Variants in GGA1 observed in about 807,000 individuals in gnomAD.
The protein encoded by GGA1 is ADP-ribosylation factor-binding protein GGA1.
In GGA1, 18 loss-of-function variants were observed where a neutral mutation model predicts 76.9. That is an observed-to-expected ratio of 0.23 (90% CI 0.16 to 0.35). The LOEUF (loss-of-function observed/expected upper bound fraction) is 0.35, where lower values mean the gene tolerates loss of function less well. GGA1 is among the 10% of genes least tolerant of loss of function. The pLI is 1.00. For synonymous variants in GGA1, 342 were observed against 354.7 expected (o/e 0.96, Z 0.40); for missense variants, 755 against 859.0 (o/e 0.88, Z 1.51).
At chr22:37,610,308 C>T (rs936697476) in intron 1 of GGA1, 4 of 152,022 alleles carry the variant, frequency 2.6e-5, no homozygotes, top group Admixed American at 2.0e-4. Flanking sequence ...TAAGATCTTT[C>T]CTCTTCCCTT....
In GGA1 at chr22:37,633,260, G is replaced by A. The variant is rs547218473; in HGVS notation, c.*549G>A. The A allele has an allele frequency of 3.5e-3, 531 of 153,116 alleles. 2 individuals carry two copies. Among genetic ancestry groups the A allele is most frequent in the Non-Finnish European group, 5.4e-3 (373 of 68,540 alleles). The allele number at this position is 153,116 out of a possible 1,614,324, so 9.5% of individuals were successfully genotyped here. A position where few individuals can be genotyped will look rare whatever the true frequency, so the allele number is the denominator to read the frequency against. On this transcript the variant is annotated 3_prime_UTR_variant, in exon 17 of 17. Transcript: ENST00000343632. ...GCTTTTCTTCCGGATTGGCCCTGTGGTCACAGCCTCAGGGGGCCAGGCTGG... is the reference window on the plus strand; with the variant it reads ...GCTTTTCTTCCGGATTGGCCCTGTGATCACAGCCTCAGGGGGCCAGGCTGG...
rs370012020 is a variant in GGA1, at chr22:37,620,250, C to A, written c.316C>A (p.Arg106=). The A allele has an allele frequency of 1.2e-6, 2 of 1,613,936 alleles. No individual in the cohort carries two copies. Among genetic ancestry groups the A allele is most frequent in the Non-Finnish European group, 8.5e-7 (1 of 1,179,898 alleles). ...TGTGTCCCTGAAGTATCTGGGCTCT[C>A]GGACATCGGAGAAGGTGAAGAACAA... ...KVVSPKYLGS[R]TSEKVKNKIL... Residue 106 remains arginine, a synonymous_variant, in exon 5 of 17, where the codon CGG becomes AGG. Coordinates refer to ENST00000343632, the MANE Select transcript of GGA1 (RefSeq NM_013365.5).
chr22:37,629,969 C>G (rs780117500), intron 12 of GGA1, 29 bp from the exon 13 acceptor site: 1 of 1,495,528 alleles, frequency 6.7e-7, no homozygotes, highest in Non-Finnish European at 9.0e-7. Context: ...CTAGACAGCC[C>G]CACCCCACCT....
At chr22:37,622,669 C>T (rs931019770) in intron 7 of GGA1, among the ~76,000 whole-genome samples, 1 of 152,198 alleles carries the variant, frequency 6.6e-6, no homozygotes, top group African/African-American at 2.4e-5. Flanking sequence ...CCATCTCGGC[C>T]TCCCAAAGTG....
intron 2 of GGA1, among the ~76,000 whole-genome samples, chr22:37,616,289 G>C (rs965937679): frequency 1.3e-5 from 2 of 152,172 alleles, no homozygotes; most frequent in African/African-American, 4.8e-5. Context: ...GGTTGCCTCT[G>C]AGTGTCAGTT....
At chr22:37,630,197 G>A (rs1418008697) in intron 13 of GGA1, 27 bp downstream of exon 13, 2 of 1,518,816 alleles carry the variant, frequency 1.3e-6, no homozygotes, top group South Asian at 2.5e-5. Flanking sequence ...GCTGGCATGG[G>A]GTGGGGAGCA....
chr22:37,627,254 CACTCTGAGCAGCTGGGCTGCTCTG>C (rs1931012772), intron 11 of GGA1: 1 of 152,262 alleles, frequency 6.6e-6, no homozygotes, highest in Non-Finnish European at 1.5e-5. Flanking sequence ...CCTGAAGCCA[CACTCTGAGCAGCTGGGCTGCTCTG>C]ACTCGTTGTT....
intron 1 of GGA1, 33 bp downstream of exon 1, chr22:37,608,936 G>A (rs1216695652): frequency 4.5e-6 from 6 of 1,321,298 alleles, no homozygotes; most frequent in Admixed American, 8.4e-5. Flanking sequence ...GGCCGGACCG[G>A]AACCGGAACC....
At position 37,624,451 on chromosome 22, in the gene GGA1, T is replaced by C. The variant is rs2145958325; in HGVS notation, c.833-518T>C. 1 of 138,608 alleles carries C rather than the reference T, an allele frequency of 7.2e-6. No homozygotes were observed. The highest frequency in any genetic ancestry group is 2.2e-4 in the South Asian group (1 of 4,650). The allele number at this position is 138,608 out of a possible 1,614,324, so 8.6% of individuals were successfully genotyped here. A position where few individuals can be genotyped will look rare whatever the true frequency, so the allele number is the denominator to read the frequency against. The stretch of plus-strand genomic sequence containing the variant: ...AGTCTCTATTTCAAATATATTTATA[T>C]TAAAAAAAAAAAAAAAAGGTTGACA... On this transcript the variant is annotated intron_variant, in intron 9 of 16. Coordinates refer to ENST00000343632, the MANE Select transcript of GGA1 (RefSeq NM_013365.5). The surrounding 1 kb of genome is among the most constrained non-coding windows in gnomAD (Gnocchi z 4.3).
At chr22:37,617,383 G>A in intron 3 of GGA1, 1 of 1,102,912 alleles carries the variant, frequency 9.1e-7, no homozygotes, top group Non-Finnish European at 1.1e-6. Context: ...TAAAGCTAAG[G>A]GGTGGTGCTT....
At position 37,623,222 on chromosome 22, in the gene GGA1, C is replaced by A; in HGVS notation, c.610-105C>A. On this transcript the variant is annotated intron_variant, in intron 7 of 16. Transcript: ENST00000343632. The surrounding 1 kb of genome is among the most constrained non-coding windows in gnomAD (Gnocchi z 4.6). ...CACCCAGAGTGTGATCCCACAGTCA[C>A]CCAGCTGTCAACCCAGATCCCAGCA... 9.0e-7 allele frequency: 1 copy of A among 1,115,176 alleles called. No individual in the cohort carries two copies. 69.1% of individuals were successfully genotyped at this position (1,115,176 alleles called of 1,614,324 possible).
Position 37,620,797 on chromosome 22 carries a change from C to T in GGA1, c.428-16C>T, listed in dbSNP as rs758678967. On this transcript the variant is annotated splice_polypyrimidine_tract_variant and intron_variant, in intron 5 of 16. Coordinates refer to ENST00000343632, the MANE Select transcript of GGA1 (RefSeq NM_013365.5). ...TGGGACATATTGACAGCCTTTCTGA[C>T]ACTCATCTAATCCAGGGATTGTAAA... The T allele has an allele frequency of 6.6e-7, 1 of 1,505,712 alleles. No individual in the cohort carries two copies. Among genetic ancestry groups the T allele is most frequent in the Non-Finnish European group, 9.2e-7 (1 of 1,081,246 alleles). The allele number at this position is 1,505,712 out of a possible 1,614,324, so 93.3% of individuals were successfully genotyped here. A position where few individuals can be genotyped will look rare whatever the true frequency, so the allele number is the denominator to read the frequency against.
chr22:37,617,889 A>T (rs1426012373), intron 3 of GGA1: 2 of 283,186 alleles, frequency 7.1e-6, no homozygotes, highest in African/African-American at 4.6e-5. Context: ...TGGCAGGCTG[A>T]GGCGGGCAGA....
intron 1 of GGA1, chr22:37,609,289 G>A (rs552739568): frequency 1.8e-6 from 2 of 1,126,450 alleles, no homozygotes; most frequent in Non-Finnish European, 2.2e-6. Context: ...ACCCGGGAGG[G>A]AGGGACCCTA....
chr22:37,625,284 G>C lies in GGA1; in HGVS notation c.940+208G>C, dbSNP rs1272695897. On this transcript the variant is annotated intron_variant, in intron 10 of 16. Coordinates refer to ENST00000343632, the MANE Select transcript of GGA1 (RefSeq NM_013365.5). This position sits in a 1 kb window ranked among gnomAD's most constrained non-coding sequence, Gnocchi z 4.1. Reference sequence around the variant, plus strand: ...GGGGAAGAAGTCTGGTGGGGGAGCTGAGGGTTTGGTGAGGACAGGCAGAAG... The same window carrying C: ...GGGGAAGAAGTCTGGTGGGGGAGCTCAGGGTTTGGTGAGGACAGGCAGAAG... Among the ~76,000 whole-genome samples, 1 of 152,168 alleles carries C rather than the reference G, an allele frequency of 6.6e-6. No homozygotes were observed. The highest frequency in any genetic ancestry group is 1.9e-4 in the East Asian group (1 of 5,184).
At chr22:37,609,072 A>T in intron 1 of GGA1, 169 bp downstream of exon 1, 1 of 1,488,400 alleles carries the variant, frequency 6.7e-7, no homozygotes, top group Non-Finnish European at 8.9e-7. Context: ...GCGATGGAGG[A>T]CCCCGGCCCC....
rs1395912554 is a variant in GGA1, at chr22:37,625,791, C to T, written c.941-6C>T. The T allele has an allele frequency of 3.2e-6, 5 of 1,553,904 alleles. No individual in the cohort carries two copies. In the South Asian group the frequency reaches 3.6e-5, roughly 11 times the overall value. On this transcript the variant is annotated splice_polypyrimidine_tract_variant and splice_region_variant and intron_variant, in intron 10 of 16. Transcript: ENST00000343632. This position sits in a 1 kb window ranked among gnomAD's most constrained non-coding sequence, Gnocchi z 4.1. ...GGACTTGCCAGCCTCTTCTTTCCCA[C>T]CCCAGGGAGCACCTCGGCCCTGCTG...
At chr22:37,626,133 G>A (rs911855298) in intron 11 of GGA1, 184 bp downstream of exon 11, 66 of 433,686 alleles carry the variant, frequency 1.5e-4, no homozygotes, top group African/African-American at 1.0e-3. Flanking sequence ...GAGCTTGTGC[G>A]AGGCCACACG....
intron 12 of GGA1, among the ~76,000 whole-genome samples, 165 bp downstream of exon 12, chr22:37,629,691 C>T (rs1490867092): frequency 2.6e-5 from 4 of 152,160 alleles, no homozygotes; most frequent in Non-Finnish European, 5.9e-5. Context: ...TACAGGGCCT[C>T]CCCTTACCTC....
Sources: allele counts gnomAD v4.1 joint callset (sites outside exome capture counted in the v4.1 genomes callset), GRCh38; gene constraint gnomAD v4.1.1; non-coding constraint Gnocchi (gnomAD v3.1); transcripts MANE v1.5; gene names NCBI Gene and HGNC (gene_info 2026-07-23, HGNC 2026-07-21).